The following RGS6 variants were observed in gnomAD, a reference collection of about 807,000 sequenced individuals.
The protein encoded by RGS6 is regulator of G-protein signaling 6.
Under a neutral mutation model 78.5 loss-of-function variants are expected in RGS6, and 30 were observed. The ratio of observed to expected loss-of-function variants is 0.38; its 90% confidence interval spans 0.29 to 0.52. The LOEUF is 0.52. Ranked by LOEUF, RGS6 falls within the 20% of genes least tolerant of loss-of-function variation. RGS6 has a pLI of 0.85. For synonymous variants in RGS6, 206 were observed against 206.0 expected (o/e 1.00, Z 0.00); for missense variants, 495 against 609.7 (o/e 0.81, Z 1.98).
At chr14:72,140,484 T>C (rs2096524679) in intron 2 of RGS6, among the ~76,000 whole-genome samples, 1 of 152,174 alleles carries the variant, frequency 6.6e-6, no homozygotes, top group South Asian at 2.1e-4. Flanking sequence ...TGATAGGCCA[T>C]AGGACTCAGC....
At chr14:72,342,329 G>T (rs564255860) in intron 2 of RGS6, among the ~76,000 whole-genome samples, 120 of 152,224 alleles carry the variant, frequency 7.9e-4, no homozygotes, top group African/African-American at 2.8e-3. Flanking sequence ...ACTTTGGGAG[G>T]CCAAGGCAGG....
intron 2 of RGS6, among the ~76,000 whole-genome samples, chr14:72,110,294 A>G (rs1490382859): frequency 6.6e-6 from 1 of 152,186 alleles, no homozygotes; most frequent in Admixed American, 6.5e-5. Flanking sequence ...TTACCCTGCT[A>G]ATAGACTGGT....
At chr14:72,060,669 A>G (rs186838531) in intron 2 of RGS6, among the ~76,000 whole-genome samples, 2 of 152,300 alleles carry the variant, frequency 1.3e-5, no homozygotes, top group East Asian at 3.9e-4. Context: ...AAGATCTTAC[A>G]CCAAGTGCCT....
intron 2 of RGS6, among the ~76,000 whole-genome samples, chr14:72,206,929 A>G (rs2042858536): frequency 6.6e-6 from 1 of 152,172 alleles, no homozygotes; most frequent in East Asian, 1.9e-4. Context: ...AATAGTGGTT[A>G]TTCTTCCTCT....
the RGS6 span, among the ~76,000 whole-genome samples, chr14:72,602,933 A>G: frequency 1.3e-5 from 2 of 152,238 alleles, no homozygotes; most frequent in Non-Finnish European, 2.9e-5. Context: ...ATCACTGAGG[A>G]AGATAAAGAA....
chr14:72,090,320 G>A (rs992198767), intron 2 of RGS6, among the ~76,000 whole-genome samples: 7 of 152,132 alleles, frequency 4.6e-5, no homozygotes, highest in African/African-American at 1.7e-4. Flanking sequence ...TAGAAGCCGA[G>A]TGGCACAGCC....
chr14:71,984,209 TA>T (rs1289907193), intron 2 of RGS6, among the ~76,000 whole-genome samples: 6 of 149,606 alleles, frequency 4.0e-5, no homozygotes, highest in African/African-American at 1.5e-4. Flanking sequence ...AAGGAGTAAA[TA>T]ACTAGTATTA....
chr14:72,041,856 A>G (rs2092430835), intron 2 of RGS6, among the ~76,000 whole-genome samples: 1 of 152,150 alleles, frequency 6.6e-6, no homozygotes, highest in African/African-American at 2.4e-5. Flanking sequence ...ATCACCTCCC[A>G]GGAAGATCAA....
chr14:72,581,186 G>A, the RGS6 span, among the ~76,000 whole-genome samples: 2 of 152,156 alleles, frequency 1.3e-5, no homozygotes, highest in South Asian at 2.1e-4. Context: ...AGGCCACTTA[G>A]TGGATCTGGG....
chr14:71,954,009 TCACTC>T (rs1566900947), intron 1 of RGS6, among the ~76,000 whole-genome samples: 1 of 139,160 alleles, frequency 7.2e-6, no homozygotes, highest in Non-Finnish European at 1.5e-5. Flanking sequence ...TTTAAGTATT[TCACTC>T]CACACTCTGG....
At chr14:72,491,994 G>A (rs919033464) in intron 12 of RGS6, among the ~76,000 whole-genome samples, 22 of 152,226 alleles carry the variant, frequency 1.4e-4, no homozygotes, top group Admixed American at 4.6e-4. Flanking sequence ...AGCCACATAC[G>A]CTCAGATCTC....
At chr14:72,371,591 G>A (rs60993427) in intron 3 of RGS6, among the ~76,000 whole-genome samples, 9,301 of 152,044 alleles carry the variant, frequency 0.061, 378 homozygotes, top group East Asian at 0.17. Flanking sequence ...GAGAAACCCC[G>A]TCTCTACTAA....
chr14:72,520,181 A>G (rs1357181287), intron 15 of RGS6, among the ~76,000 whole-genome samples: 2 of 152,184 alleles, frequency 1.3e-5, no homozygotes, highest in African/African-American at 2.4e-5. Context: ...TTTTGTTTTA[A>G]TATTGCCACA....
Position 72,563,605 on chromosome 14 carries a change from C to T in RGS6, c.*1138C>T, listed in dbSNP as rs1022221204. The T allele has an allele frequency of 6.6e-6, 1 of 152,326 alleles. No individual in the cohort carries two copies. Among genetic ancestry groups the T allele is most frequent in the Non-Finnish European group, 1.5e-5 (1 of 68,128 alleles). 9.4% of individuals were successfully genotyped at this position (152,326 alleles called of 1,614,324 possible). A position where few individuals can be genotyped will look rare whatever the true frequency, so the allele number is the denominator to read the frequency against. ...CCAAAGCACCCCTCTAAACCGGTCA[C>T]CTAGGGGAAATGCAAAAACCTGCAA... On this transcript the variant is annotated 3_prime_UTR_variant, in exon 18 of 18. Coordinates refer to ENST00000553525, the MANE Select transcript of RGS6 (RefSeq NM_001204424.2).
the RGS6 span, among the ~76,000 whole-genome samples, chr14:72,579,203 C>T: frequency 2.0e-5 from 3 of 149,778 alleles, 1 homozygote; most frequent in Admixed American, 2.0e-4. Flanking sequence ...TTCAGTGTGA[C>T]CACCACAAGG....
Position 72,153,985 on chromosome 14 carries a change from C to T in RGS6, c.84+189110C>T, listed in dbSNP as rs182244561. On this transcript the variant is annotated intron_variant, in intron 2 of 17. Transcript: ENST00000553525. Reference sequence around the variant, plus strand: ...CTGAAGTTACTGCAGGAGACCAGGGCGTATCTCAGTCCTTATCTCAACCGC... The same window carrying T: ...CTGAAGTTACTGCAGGAGACCAGGGTGTATCTCAGTCCTTATCTCAACCGC... 2.6e-3 allele frequency among the ~76,000 whole-genome samples: 390 copies of T among 152,202 alleles called. 3 individuals are homozygous for T. Among genetic ancestry groups the T allele is most frequent in the African/African-American group, 8.6e-3 (359 of 41,512 alleles).
the RGS6 span, among the ~76,000 whole-genome samples, chr14:72,572,068 T>C: frequency 7.2e-5 from 11 of 152,200 alleles, no homozygotes; most frequent in Non-Finnish European, 1.3e-4. Flanking sequence ...TGAACATCAT[T>C]AGCCACTAGG....
At chr14:72,096,615 G>A (rs1375417148) in intron 2 of RGS6, among the ~76,000 whole-genome samples, 1 of 152,106 alleles carries the variant, frequency 6.6e-6, no homozygotes, top group African/African-American at 2.4e-5. Flanking sequence ...TTCTCACTGG[G>A]GTCTCTTATG....
chr14:72,381,962 C>CA (rs1051131419), intron 3 of RGS6, among the ~76,000 whole-genome samples: 5 of 151,250 alleles, frequency 3.3e-5, no homozygotes, highest in East Asian at 1.9e-4. Flanking sequence ...CTCACTGGGG[C>CA]AAAAAAACAG....
Sources: allele counts gnomAD v4.1 joint callset (sites outside exome capture counted in the v4.1 genomes callset), GRCh38; gene constraint gnomAD v4.1.1; transcripts MANE v1.5; gene names NCBI Gene and HGNC (gene_info 2026-07-23, HGNC 2026-07-21).